Variants in SNAPC1 observed in about 807,000 individuals in gnomAD.
SNAPC1 encodes the protein snRNA-activating protein complex subunit 1.
Under a neutral mutation model 50.1 loss-of-function variants are expected in SNAPC1, and 42 were observed. The observed-to-expected ratio is 0.84, with a 90% CI of 0.65 to 1.08. The LOEUF is 1.08. SNAPC1 is among the 50% of genes least tolerant of loss of function. The pLI is 0.00. For synonymous variants in SNAPC1, 164 were observed against 144.2 expected (o/e 1.14, Z -0.98); for missense variants, 477 against 427.3 (o/e 1.12, Z -1.02).
rs35300490 is a variant in SNAPC1, at chr14:61,774,648, ATTTTTTTTTTTTTTTTTTT to A, written c.535-1435_535-1417del. ...ACTCACCACTATTGATCAGTTTCTC[ATTTTTTTTTTTTTTTTTTT>A]TTTTTTTTTTTGAGAGGCAGAGTTT... is the stretch of plus-strand genomic sequence containing the variant. On this transcript the variant is annotated intron_variant, in intron 4 of 9. Coordinates refer to ENST00000216294, the MANE Select transcript of SNAPC1 (RefSeq NM_003082.4). Among the ~76,000 whole-genome samples, 9 of 90,962 alleles carry A rather than the reference ATTTTTTTTTTTTTTTTTTT, an allele frequency of 9.9e-5. No individual in the cohort carries two copies. In the East Asian group the frequency reaches 2.1e-3, roughly 21 times the overall value. The allele number at this position is 90,962 out of a possible 152,430, so 59.7% of individuals were successfully genotyped here.
intron 5 of SNAPC1, 33 bp downstream of exon 5, chr14:61,776,286 G>A: frequency 6.4e-7 from 1 of 1,574,496 alleles, no homozygotes; most frequent in South Asian, 1.1e-5. Context: ...CCTCACCATT[G>A]TATTTTACAC....
intron 1 of SNAPC1, among the ~76,000 whole-genome samples, chr14:61,764,634 C>G (rs866118136): frequency 5.3e-5 from 8 of 152,036 alleles, no homozygotes; most frequent in Non-Finnish European, 1.0e-4. Context: ...ATGTATCTGC[C>G]TGTTTCTAAA....
chr14:61,766,035 C>A (rs934615349), intron 1 of SNAPC1, among the ~76,000 whole-genome samples: 2 of 152,158 alleles, frequency 1.3e-5, no homozygotes, highest in Non-Finnish European at 2.9e-5. Context: ...CAAAGAGTTT[C>A]CTCCCCATCT....
chr14:61,782,470 T>C (rs2045082891), intron 8 of SNAPC1, 73 bp downstream of exon 8: 1 of 1,195,356 alleles, frequency 8.4e-7, no homozygotes, highest in Non-Finnish European at 1.2e-6. Context: ...CTCATGTTTA[T>C]TTCCTTGTTA....
At chr14:61,780,807 G>A (rs1294802598) in intron 7 of SNAPC1, among the ~76,000 whole-genome samples, 1 of 151,820 alleles carries the variant, frequency 6.6e-6, no homozygotes, top group South Asian at 2.1e-4. Flanking sequence ...TTTTGTACCA[G>A]TACCATTCTG....
Position 61,764,409 on chromosome 14 carries a change from C to T in SNAPC1, c.128+1821C>T, listed in dbSNP as rs117665194. 2.3e-3 allele frequency among the ~76,000 whole-genome samples: 354 copies of T among 152,154 alleles called. 4 individuals carry two copies. Among genetic ancestry groups the T allele is most frequent in the Admixed American group, 0.019 (290 of 15,286 alleles). Reference sequence around the variant, plus strand: ...ATTGCAAGGAATGGAGGATGAAGAGCTGTTTGTTGTACAGTTAATAAAAGG... The same window carrying T: ...ATTGCAAGGAATGGAGGATGAAGAGTTGTTTGTTGTACAGTTAATAAAAGG... On this transcript the variant is annotated intron_variant, in intron 1 of 9. Transcript: ENST00000216294.
At chr14:61,776,073 G>C in intron 4 of SNAPC1, 22 bp from the exon 5 acceptor site, 2 of 1,559,024 alleles carry the variant, frequency 1.3e-6, no homozygotes, top group South Asian at 1.2e-5. Context: ...AAGAAATAAA[G>C]GACTCATCTT....
At position 61,762,515 on chromosome 14, in the gene SNAPC1, C is replaced by G; in HGVS notation, c.55C>G (p.Gln19Glu). 6.9e-7 allele frequency: 1 copy of G among 1,440,740 alleles called. No individual in the cohort carries two copies. The highest frequency in any genetic ancestry group is 1.5e-5 in the South Asian group (1 of 65,566). 89.2% of individuals were successfully genotyped at this position (1,440,740 alleles called of 1,614,324 possible). ...CTGCGAGGCGCTGCTCAGCCGCTTC[C>G]AGGAGACGGACAGTGTACGCTTCGA... ...TDCEALLSRF[Q>E]ETDSVRFEDF... The change falls in exon 1 of 10, where the codon CAG becomes GAG. Residue 19 changes from glutamine to glutamate, a missense_variant. By Grantham distance (29) the Gln-to-Glu change is conservative. Coordinates refer to ENST00000216294, the MANE Select transcript of SNAPC1 (RefSeq NM_003082.4).
chr14:61,763,506 T>C (rs753284928), intron 1 of SNAPC1, among the ~76,000 whole-genome samples: 2,360 of 80,666 alleles, frequency 0.029, 31 homozygotes, highest in Non-Finnish European at 0.05. Flanking sequence ...TTTTTTTTTT[T>C]CTTTGGGCCC....
rs151062275 is a variant in SNAPC1 at position 61,765,567 on chromosome 14, C to T, written c.129-1309C>T. Among the ~76,000 whole-genome samples the T allele has an allele frequency of 3.6e-3, 545 of 152,208 alleles. 3 individuals carry two copies. Among genetic ancestry groups the T allele is most frequent in the African/African-American group, 0.012 (499 of 41,514 alleles). On this transcript the variant is annotated intron_variant, in intron 1 of 9. Transcript: ENST00000216294. The stretch of plus-strand genomic sequence containing the variant: ...CAGATTGGTGATACACAAATGCTTG[C>T]GTTCTTTTGAGTTTCTGATTAGCTT...
At chr14:61,775,233 A>T (rs564945499) in intron 4 of SNAPC1, among the ~76,000 whole-genome samples, 5 of 151,804 alleles carry the variant, frequency 3.3e-5, no homozygotes, top group Admixed American at 3.3e-4. Context: ...AAATGGTGTC[A>T]TAAATCACCC....
chr14:61,793,265 T>C (rs539952758), intron 9 of SNAPC1, among the ~76,000 whole-genome samples: 3 of 152,052 alleles, frequency 2.0e-5, no homozygotes, highest in Non-Finnish European at 4.4e-5. Context: ...GACAGGGTCT[T>C]GCTGGGTTGC....
chr14:61,782,711 T>A (rs1334543598), intron 8 of SNAPC1, among the ~76,000 whole-genome samples: 2 of 151,956 alleles, frequency 1.3e-5, no homozygotes, highest in African/African-American at 4.8e-5. Flanking sequence ...GGAGTTCAAG[T>A]CCAGCCTGGC....
intron 8 of SNAPC1, among the ~76,000 whole-genome samples, chr14:61,786,986 A>G (rs924263647): frequency 2.6e-5 from 4 of 152,260 alleles, no homozygotes; most frequent in South Asian, 2.1e-4. Context: ...TACATCTAAC[A>G]ACATAGATGA....
intron 8 of SNAPC1, among the ~76,000 whole-genome samples, chr14:61,791,098 G>C (rs751554320): frequency 6.6e-6 from 1 of 151,958 alleles, no homozygotes; most frequent in Non-Finnish European, 1.5e-5. Flanking sequence ...TGCAACCTCC[G>C]CCTCCTGGGT....
intron 5 of SNAPC1, among the ~76,000 whole-genome samples, chr14:61,777,540 A>G (rs897838610): frequency 6.6e-6 from 1 of 151,956 alleles, no homozygotes; most frequent in East Asian, 1.9e-4. Flanking sequence ...ACCATGCCCA[A>G]CTAATTTTTT....
intron 4 of SNAPC1, among the ~76,000 whole-genome samples, chr14:61,771,471 A>G (rs2044991048): frequency 6.6e-6 from 1 of 152,192 alleles, no homozygotes; most frequent in Non-Finnish European, 1.5e-5. Flanking sequence ...TGTAACAAGA[A>G]CTAGGATTTT....
In SNAPC1 at chr14:61,794,955, C is replaced by T; in HGVS notation, c.1079C>T (p.Thr360Ile). 2 of 1,580,078 alleles carry T rather than the reference C, an allele frequency of 1.3e-6. No individual in the cohort carries two copies. The highest frequency in any genetic ancestry group is 1.2e-5 in the South Asian group (1 of 85,722). The change falls in exon 10 of 10, where the codon ACT (threonine) becomes ATT (isoleucine). Residue 360 changes from threonine (T) to isoleucine (I), a missense_variant. Coordinates refer to ENST00000216294, the MANE Select transcript of SNAPC1 (RefSeq NM_003082.4). ...ENESLSGTEF[T>I]ASKKRRKH ...TTAAACTTTATGTCTTTAGAGTTCA[C>T]TGCATCCAAGAAGAGGAGAAAACAC...
intron 6 of SNAPC1, 83 bp downstream of exon 6, chr14:61,778,223 CAT>C: frequency 2.7e-6 from 2 of 744,440 alleles, no homozygotes; most frequent in African/African-American, 1.8e-5. Context: ...TATTATAAGA[CAT>C]ATAAGAGAAA....
Sources: allele counts gnomAD v4.1 joint callset (sites outside exome capture counted in the v4.1 genomes callset), GRCh38; gene constraint gnomAD v4.1.1; transcripts MANE v1.5; gene names NCBI Gene and HGNC (gene_info 2026-07-23, HGNC 2026-07-21).